ITPR2: variants seen among roughly 807,000 people sequenced by gnomAD.
ITPR2 encodes the protein inositol 1,4,5-trisphosphate-gated calcium channel ITPR2.
ITPR2 carries 207 observed loss-of-function variants against 317.1 expected under a neutral mutation model. That is an observed-to-expected ratio of 0.65 (90% CI 0.58 to 0.73). ITPR2 has a LOEUF of 0.73. Among genes scored for constraint, ITPR2 ranks in the 30% least tolerant of loss-of-function variants. The probability of loss-of-function intolerance (pLI) is 0.00; values close to 1 mark genes in which losing one functional copy is unlikely to be tolerated. For missense variants in ITPR2, 2,613 were observed against 3,284.0 expected (o/e 0.80, Z 4.99); for synonymous variants, 1,156 against 1,149.1 (o/e 1.01, Z -0.12).
intron 21 of ITPR2, among the ~76,000 whole-genome samples, chr12:26,638,250 C>A (rs778348714): frequency 1.3e-5 from 2 of 152,114 alleles, no homozygotes; most frequent in African/African-American, 2.4e-5. Context: ...CAAAACTGAT[C>A]TTCAATGATT....
intron 21 of ITPR2, among the ~76,000 whole-genome samples, chr12:26,643,381 G>A (rs1028584648): frequency 6.6e-6 from 1 of 152,204 alleles, no homozygotes; most frequent in Non-Finnish European, 1.5e-5. Flanking sequence ...CTGGGTAGTG[G>A]GTAGAGGCTG....
chr12:26,372,287 C>A (rs761270366), intron 55 of ITPR2, among the ~76,000 whole-genome samples: 105 of 152,306 alleles, frequency 6.9e-4, no homozygotes, highest in Non-Finnish European at 1.4e-3. Flanking sequence ...TGCCCTAGAT[C>A]ATGGTAGGCA....
At chr12:26,512,877 C>A (rs1943389737) in intron 37 of ITPR2, among the ~76,000 whole-genome samples, 1 of 148,566 alleles carries the variant, frequency 6.7e-6, no homozygotes, top group Admixed American at 6.7e-5. Context: ...GGCTAGAGTG[C>A]AGTGGCGCGA....
chr12:26,736,379 A>G (rs774438061), intron 2 of ITPR2, among the ~76,000 whole-genome samples: 4 of 152,232 alleles, frequency 2.6e-5, no homozygotes, highest in Non-Finnish European at 4.4e-5. Flanking sequence ...AATTAGGCAG[A>G]TTAAAATCTA....
At chr12:26,369,008 T>G (rs886550364) in intron 55 of ITPR2, among the ~76,000 whole-genome samples, 8 of 152,110 alleles carry the variant, frequency 5.3e-5, no homozygotes, top group African/African-American at 1.9e-4. Context: ...TTGATGACAT[T>G]TAAGGAGAGA....
intron 41 of ITPR2, among the ~76,000 whole-genome samples, chr12:26,484,853 A>G (rs955597764): frequency 7.2e-5 from 11 of 152,144 alleles, no homozygotes; most frequent in Admixed American, 1.3e-4. Context: ...CTGGGACTAC[A>G]GGTGCCAGCC....
At chr12:26,652,169 A>G (rs79044363) in intron 21 of ITPR2, among the ~76,000 whole-genome samples, 1 of 152,154 alleles carries the variant, frequency 6.6e-6, no homozygotes, top group East Asian at 1.9e-4. Flanking sequence ...TTCTCCAAAA[A>G]CCACTCACCA....
intron 37 of ITPR2, among the ~76,000 whole-genome samples, chr12:26,545,250 TTTGAG>T (rs1215055981): frequency 6.6e-6 from 1 of 152,126 alleles, no homozygotes; most frequent in Non-Finnish European, 1.5e-5. Context: ...GCAGGTGTGA[TTTGAG>T]TTAAGGCTCT....
intron 56 of ITPR2, 122 bp from the exon 57 acceptor site, chr12:26,339,605 T>C: frequency 1.5e-6 from 1 of 664,258 alleles, no homozygotes. Context: ...ATATAGAATA[T>C]ATTTATCAAA....
At chr12:26,524,583 T>C (rs1323046170) in intron 37 of ITPR2, among the ~76,000 whole-genome samples, 1 of 152,188 alleles carries the variant, frequency 6.6e-6, no homozygotes, top group East Asian at 1.9e-4. Flanking sequence ...TTCCTACACA[T>C]ATTTTGTTTT....
At chr12:26,695,919 T>C (rs1239972935) in intron 9 of ITPR2, among the ~76,000 whole-genome samples, 1 of 152,108 alleles carries the variant, frequency 6.6e-6, no homozygotes, top group Non-Finnish European at 1.5e-5. Context: ...CAATATCACC[T>C]CCTCTGGAAA....
chr12:26,457,318 G>A (rs1329577564), intron 45 of ITPR2, among the ~76,000 whole-genome samples: 2 of 152,158 alleles, frequency 1.3e-5, no homozygotes, highest in Non-Finnish European at 2.9e-5. Context: ...GCACAGCCAG[G>A]AGGCCAGTGT....
At chr12:26,364,332 C>T (rs1312946560) in intron 55 of ITPR2, among the ~76,000 whole-genome samples, 1 of 152,156 alleles carries the variant, frequency 6.6e-6, no homozygotes, top group Non-Finnish European at 1.5e-5. Context: ...GGATTTTTAT[C>T]TGTTTTGTTC....
At chr12:26,790,377 T>C in intron 1 of ITPR2, 150 bp from the exon 2 acceptor site, 1 of 629,958 alleles carries the variant, frequency 1.6e-6, no homozygotes, top group Non-Finnish European at 2.8e-6. Context: ...TGTAAAAAGA[T>C]TTGGTTGTAG....
chr12:26,676,275 G>C (rs1379284655), intron 13 of ITPR2, among the ~76,000 whole-genome samples: 1 of 151,950 alleles, frequency 6.6e-6, no homozygotes, highest in African/African-American at 2.4e-5. Flanking sequence ...TCGGGAGTTC[G>C]AGACCATCCT....
intron 47 of ITPR2, 27 bp from the exon 48 acceptor site, chr12:26,436,373 T>C (rs1941348959): frequency 1.9e-6 from 3 of 1,588,970 alleles, no homozygotes; most frequent in South Asian, 2.3e-5. Flanking sequence ...GTAAAGGAAC[T>C]GAACAGGAAA....
At chr12:26,512,080 A>G (rs1193781985) in intron 37 of ITPR2, among the ~76,000 whole-genome samples, 1 of 152,128 alleles carries the variant, frequency 6.6e-6, no homozygotes, top group African/African-American at 2.4e-5. Flanking sequence ...AGGAAAATAA[A>G]TCCCAGGACC....
Position 26,448,380 on chromosome 12 carries a change from T to C in ITPR2, c.6343-4730A>G, listed in dbSNP as rs998481007. On this transcript the variant is annotated intron_variant, in intron 45 of 56. Coordinates refer to ENST00000381340, the MANE Select transcript of ITPR2 (RefSeq NM_002223.4). ...AGGGGGAAATGCCATGGGGGGGAAA[T>C]CTCTGGGTCTTAGAAATACTTGTAT... Among the ~76,000 whole-genome samples the C allele has an allele frequency of 7.9e-5, 12 of 151,916 alleles. 1 individual carries two copies. The highest frequency in any genetic ancestry group is 2.9e-4 in the African/African-American group (12 of 41,452).
intron 2 of ITPR2, among the ~76,000 whole-genome samples, chr12:26,727,588 G>C (rs888847178): frequency 2.0e-5 from 3 of 152,228 alleles, no homozygotes; most frequent in African/African-American, 7.2e-5. Context: ...TGGCTGTCAG[G>C]CCAAATGCTC....
Sources: gnomAD v4.1 joint callset for allele counts (sites outside exome capture counted in the v4.1 genomes callset) on GRCh38, gnomAD v4.1.1 for gene constraint, MANE v1.5 for transcripts, NCBI Gene and HGNC (gene_info 2026-07-23, HGNC 2026-07-21) for gene names.